The following PSD3 variants were observed in gnomAD, a reference collection of about 807,000 sequenced individuals.
PSD3 encodes the protein PH and SEC7 domain-containing protein 3.
A neutral mutation model predicts 105.5 loss-of-function variants in PSD3; 49 were observed. That is an observed-to-expected ratio of 0.46 (90% CI 0.37 to 0.59). The LOEUF (loss-of-function observed/expected upper bound fraction) is 0.59, where lower values mean the gene tolerates loss of function less well. Among genes scored for constraint, PSD3 ranks in the 20% least tolerant of loss-of-function variants. The probability of loss-of-function intolerance (pLI) is 0.00; values close to 1 mark genes in which losing one functional copy is unlikely to be tolerated. For missense variants in PSD3, 1,561 were observed against 1,263.8 expected (o/e 1.24, Z -3.57); for synonymous variants, 557 against 457.8 (o/e 1.22, Z -2.77).
intron 11 of PSD3, among the ~76,000 whole-genome samples, chr8:18,600,929 A>C (rs1167104217): frequency 1.3e-5 from 2 of 152,134 alleles, no homozygotes; most frequent in African/African-American, 4.8e-5. Flanking sequence ...TACCCCCCTC[A>C]ACCAGAGTGC....
rs920675565 is a variant in PSD3, at chr8:18,778,266, T to C, written c.2083-12728A>G. 4.6e-5 allele frequency among the ~76,000 whole-genome samples: 7 copies of C among 152,176 alleles called. No homozygotes were observed. The South Asian group carries it at 8.3e-4, about 18-fold the overall frequency. On this transcript the variant is annotated intron_variant, in intron 8 of 15. Coordinates refer to ENST00000327040, the MANE Select transcript of PSD3 (RefSeq NM_015310.4). Reference sequence around the variant, plus strand: ...TTACTTTCCTGATTTCTTTTTCAACTAGTTCATTATTAGAGAATAGACACA... The same window carrying C: ...TTACTTTCCTGATTTCTTTTTCAACCAGTTCATTATTAGAGAATAGACACA...
chr8:18,900,574 G>A (rs558075967), intron 2 of PSD3, among the ~76,000 whole-genome samples: 2 of 151,562 alleles, frequency 1.3e-5, no homozygotes, highest in East Asian at 1.9e-4. Context: ...TGGGTTCCAC[G>A]GTGTTATTAA....
At chr8:18,811,695 A>G (rs1036400116) in intron 4 of PSD3, among the ~76,000 whole-genome samples, 3 of 152,140 alleles carry the variant, frequency 2.0e-5, no homozygotes, top group African/African-American at 7.2e-5. Context: ...AAGCCCAGAG[A>G]AGGCCCAAAG....
At chr8:18,674,790 T>C (rs1171513428) in intron 9 of PSD3, among the ~76,000 whole-genome samples, 1 of 152,136 alleles carries the variant, frequency 6.6e-6, no homozygotes, top group Non-Finnish European at 1.5e-5. Flanking sequence ...GAGAAGCATC[T>C]GAGGTGGGGT....
At chr8:18,657,851 A>T (rs1229752871) in intron 9 of PSD3, among the ~76,000 whole-genome samples, 1 of 152,230 alleles carries the variant, frequency 6.6e-6, no homozygotes, top group Non-Finnish European at 1.5e-5. Context: ...GAGTAATTCA[A>T]AATGTGGCAA....
At chr8:18,689,965 G>C (rs1025085934) in intron 9 of PSD3, among the ~76,000 whole-genome samples, 3 of 152,068 alleles carry the variant, frequency 2.0e-5, no homozygotes, top group African/African-American at 7.2e-5. Context: ...CTGAGACTTG[G>C]GCCCAGGTTT....
intron 9 of PSD3, among the ~76,000 whole-genome samples, chr8:18,740,566 G>T (rs967424692): frequency 2.0e-5 from 3 of 152,074 alleles, no homozygotes; most frequent in African/African-American, 7.2e-5. Flanking sequence ...TGCTTTTTGA[G>T]CTTAACCTTG....
intron 1 of PSD3, among the ~76,000 whole-genome samples, chr8:18,938,288 G>A (rs1233736638): frequency 6.6e-6 from 1 of 152,116 alleles, no homozygotes; most frequent in Non-Finnish European, 1.5e-5. Context: ...ATATTTTGTA[G>A]GAAGAATTAC....
chr8:18,848,760 A>C (rs1365904065), intron 4 of PSD3, among the ~76,000 whole-genome samples: 1 of 152,200 alleles, frequency 6.6e-6, no homozygotes, highest in Non-Finnish European at 1.5e-5. Context: ...TCCCAGAATG[A>C]CCAGTAAACT....
chr8:18,971,112 C>T (rs984776332), intron 1 of PSD3, among the ~76,000 whole-genome samples: 10 of 152,156 alleles, frequency 6.6e-5, no homozygotes, highest in Non-Finnish European at 1.3e-4. Context: ...ACCCCAGAAT[C>T]CTAGGCCACA....
At chr8:19,064,067 G>C (rs1333049827) in intron 1 of PSD3, among the ~76,000 whole-genome samples, 1 of 152,042 alleles carries the variant, frequency 6.6e-6, no homozygotes, top group African/African-American at 2.4e-5. Context: ...CTTGAACCTG[G>C]GAGGCAGAGG....
At chr8:18,797,695 G>T (rs1370513186) in intron 8 of PSD3, among the ~76,000 whole-genome samples, 1 of 152,138 alleles carries the variant, frequency 6.6e-6, no homozygotes, top group Non-Finnish European at 1.5e-5. Flanking sequence ...TGCAATCTAG[G>T]ATTTAGTAGA....
intron 4 of PSD3, among the ~76,000 whole-genome samples, chr8:18,828,036 A>ATT (rs1563319524): frequency 7.4e-6 from 1 of 134,884 alleles, no homozygotes; most frequent in African/African-American, 2.9e-5. Context: ...ACATATATAT[A>ATT]ATATATATAT....
chr8:18,571,527 C>G (rs947645905), intron 14 of PSD3, among the ~76,000 whole-genome samples: 5 of 152,198 alleles, frequency 3.3e-5, no homozygotes, highest in Non-Finnish European at 7.3e-5. Context: ...CCTTCCTGTA[C>G]TTCTATCAAA....
chr8:18,922,003 C>T (rs1042061371), intron 2 of PSD3, among the ~76,000 whole-genome samples: 6 of 152,168 alleles, frequency 3.9e-5, no homozygotes, highest in Non-Finnish European at 8.8e-5. Context: ...TTTAATAAAA[C>T]ATTGGTTAGA....
chr8:18,537,682 C>A lies in PSD3; in HGVS notation c.2929-1724G>T, dbSNP rs988098656. On this transcript the variant is annotated intron_variant, in intron 15 of 15. Coordinates refer to ENST00000327040, the MANE Select transcript of PSD3 (RefSeq NM_015310.4). ...AAGTCACTGGTGTTAGCCTCTCATTCTTTTTTTTTTTTGAGACAGAGTCTC... is the reference window on the plus strand; with the variant it reads ...AAGTCACTGGTGTTAGCCTCTCATTATTTTTTTTTTTTGAGACAGAGTCTC... Among the ~76,000 whole-genome samples, 404 of 148,224 alleles carry A rather than the reference C, an allele frequency of 2.7e-3. 1 individual carries two copies. The highest frequency in any genetic ancestry group is 5.2e-3 in the Non-Finnish European group (350 of 66,870).
intron 3 of PSD3, among the ~76,000 whole-genome samples, chr8:18,871,076 G>A (rs930642860): frequency 6.6e-6 from 1 of 152,150 alleles, no homozygotes; most frequent in Admixed American, 6.5e-5. Context: ...TCCGGCCCGG[G>A]GGACAGAACA....
rs1438298614 is a variant in PSD3 at position 18,711,811 on chromosome 8, A to C, written c.2172+53638T>G. Among the ~76,000 whole-genome samples, 3 of 152,214 alleles carry C rather than the reference A, an allele frequency of 2.0e-5. No homozygotes were observed. In the South Asian group the frequency reaches 6.2e-4, roughly 32 times the overall value. On this transcript the variant is annotated intron_variant, in intron 9 of 15. Coordinates refer to ENST00000327040, the MANE Select transcript of PSD3 (RefSeq NM_015310.4). ...GGTATCTACAGAACCTTCCACCCCG[A>C]AACAACAGAATACACATTCTTTTTA...
At chr8:18,595,785 G>C (rs2130542433) in intron 12 of PSD3, among the ~76,000 whole-genome samples, 1 of 152,090 alleles carries the variant, frequency 6.6e-6, no homozygotes, top group South Asian at 2.1e-4. Context: ...TGACAGGACT[G>C]AAGGTAGAAA....
Sources: allele counts gnomAD v4.1 joint callset (sites outside exome capture counted in the v4.1 genomes callset), GRCh38; gene constraint gnomAD v4.1.1; transcripts MANE v1.5; gene names NCBI Gene and HGNC (gene_info 2026-07-23, HGNC 2026-07-21).